Variants in SLC1A1 observed in about 807,000 individuals in gnomAD.
SLC1A1 encodes solute carrier family 1 member 1.
In SLC1A1, 43 loss-of-function variants were observed where a neutral mutation model predicts 53.3. The observed-to-expected ratio is 0.81, with a 90% CI of 0.63 to 1.04. SLC1A1 has a LOEUF of 1.04. Among genes scored for constraint, SLC1A1 ranks in the 50% least tolerant of loss-of-function variants. The pLI, the probability that SLC1A1 is intolerant of heterozygous loss-of-function variation, is 0.00. For missense variants in SLC1A1, 748 were observed against 664.9 expected (o/e 1.12, Z -1.37); for synonymous variants, 307 against 243.2 (o/e 1.26, Z -2.44).
chr9:4,580,251 GAA>G (rs974401348), intron 10 of SLC1A1, among the ~76,000 whole-genome samples: 3 of 150,692 alleles, frequency 2.0e-5, no homozygotes, highest in African/African-American at 7.3e-5. Context: ...AAGAAAGAAA[GAA>G]AGAGAGAAAA....
At chr9:4,528,776 C>T (rs1816360330) in intron 1 of SLC1A1, among the ~76,000 whole-genome samples, 1 of 149,668 alleles carries the variant, frequency 6.7e-6, no homozygotes, top group East Asian at 1.9e-4. Context: ...ATATATGCGG[C>T]CTCATCCACT....
intron 11 of SLC1A1, among the ~76,000 whole-genome samples, chr9:4,584,556 C>T (rs942226295): frequency 6.6e-6 from 1 of 152,130 alleles, no homozygotes; most frequent in Non-Finnish European, 1.5e-5. Flanking sequence ...TAAGCATTGT[C>T]AGCCTTTTCT....
At chr9:4,562,167 G>A (rs758077291) in intron 3 of SLC1A1, among the ~76,000 whole-genome samples, 1 of 150,578 alleles carries the variant, frequency 6.6e-6, no homozygotes, top group Non-Finnish European at 1.5e-5. Context: ...TGCCTCCTGG[G>A]TTCAAATGAT....
In SLC1A1 at chr9:4,586,317, G is replaced by A. The variant is rs947025852; in HGVS notation, c.*759G>A. ...GAAATAAAGAGTTCTCCTTGTACTT[G>A]AATAATAACCACGATTCCAACCCAG... On this transcript the variant is annotated 3_prime_UTR_variant, in exon 12 of 12. Coordinates refer to ENST00000262352, the MANE Select transcript of SLC1A1 (RefSeq NM_004170.6). 2.6e-5 allele frequency: 4 copies of A among 152,094 alleles called. No homozygotes were observed. Among genetic ancestry groups the A allele is most frequent in the Non-Finnish European group, 5.9e-5 (4 of 68,004 alleles). The allele number at this position is 152,094 out of a possible 1,614,324, so 9.4% of individuals were successfully genotyped here.
intron 1 of SLC1A1, 143 bp downstream of exon 1, chr9:4,490,913 T>C (rs1820211613): frequency 1.5e-6 from 1 of 668,672 alleles, no homozygotes. Context: ...TCGGGCCCCC[T>C]GCGGGGGCTT....
chr9:4,525,739 T>G (rs1387387051), intron 1 of SLC1A1, among the ~76,000 whole-genome samples: 2 of 152,108 alleles, frequency 1.3e-5, no homozygotes, highest in African/African-American at 4.8e-5. Context: ...GCAACTGATG[T>G]AAGGACTGGA....
intron 1 of SLC1A1, among the ~76,000 whole-genome samples, chr9:4,527,609 G>C (rs949263244): frequency 2.0e-5 from 3 of 152,070 alleles, no homozygotes; most frequent in Non-Finnish European, 4.4e-5. Context: ...AATCAAACCA[G>C]GTTCTCATTT....
chr9:4,537,600 A>T lies in SLC1A1; in HGVS notation c.92-6967A>T, dbSNP rs1462747360. Reference sequence around the variant, plus strand: ...AAATAAAATAAAATAAAATAAAATAAAAAAAAAAAAAATCACATGCTACAA... The same window carrying T: ...AAATAAAATAAAATAAAATAAAATATAAAAAAAAAAAATCACATGCTACAA... On this transcript the variant is annotated intron_variant, in intron 1 of 11. Transcript: ENST00000262352. Among the ~76,000 whole-genome samples, 5 of 29,796 alleles carry T rather than the reference A, an allele frequency of 1.7e-4. 1 individual carries two copies. The highest frequency in any genetic ancestry group is 6.5e-4 in the Admixed American group (2 of 3,074). 19.5% of individuals were successfully genotyped at this position (29,796 alleles called of 152,430 possible). A position where few individuals can be genotyped will look rare whatever the true frequency, so the allele number is the denominator to read the frequency against.
rs572558072 is a variant in SLC1A1 at position 4,583,669 on chromosome 9, G to C, written c.1328+497G>C. Among the ~76,000 whole-genome samples the C allele has an allele frequency of 6.6e-6, 1 of 152,156 alleles. No homozygotes were observed. Among genetic ancestry groups the C allele is most frequent in the Non-Finnish European group, 1.5e-5 (1 of 68,030 alleles). On this transcript the variant is annotated intron_variant, in intron 11 of 11. Transcript: ENST00000262352. This position sits in a 1 kb window ranked among gnomAD's most constrained non-coding sequence, Gnocchi z 4.6. ...GCAAGTTTCCTTAACCTGAGGCCCA[G>C]TTGCATAATCTGTGAGATGGGAAAA...
chr9:4,564,237 A>G, intron 3 of SLC1A1, 107 bp from the exon 4 acceptor site: 1 of 796,782 alleles, frequency 1.3e-6, no homozygotes, highest in Non-Finnish European at 2.2e-6. Flanking sequence ...GGTCCTCCCC[A>G]TCACACTATT....
intron 1 of SLC1A1, among the ~76,000 whole-genome samples, chr9:4,541,564 G>A (rs183947057): frequency 6.6e-6 from 1 of 152,186 alleles, no homozygotes; most frequent in East Asian, 1.9e-4. Flanking sequence ...AGAGAGAAAG[G>A]GTCTTCCCTG....
At chr9:4,528,784 A>G (rs1223219544) in intron 1 of SLC1A1, among the ~76,000 whole-genome samples, 1 of 147,902 alleles carries the variant, frequency 6.8e-6, no homozygotes, top group African/African-American at 2.6e-5. Context: ...GGCCTCATCC[A>G]CTCTTACCTT....
intron 3 of SLC1A1, among the ~76,000 whole-genome samples, chr9:4,561,920 G>A (rs1268547537): frequency 1.3e-5 from 2 of 151,446 alleles, no homozygotes; most frequent in Non-Finnish European, 2.9e-5. Context: ...TTTAAAATAT[G>A]TATTTTTTTA....
intron 1 of SLC1A1, among the ~76,000 whole-genome samples, chr9:4,523,352 CT>C (rs554001010): frequency 1.4e-3 from 201 of 148,202 alleles, no homozygotes; most frequent in African/African-American, 3.8e-3. Flanking sequence ...AATGCCTTTT[CT>C]TTTTTTTTTT....
At chr9:4,551,118 C>G (rs1260067478) in intron 2 of SLC1A1, among the ~76,000 whole-genome samples, 2 of 152,116 alleles carry the variant, frequency 1.3e-5, no homozygotes, top group Non-Finnish European at 2.9e-5. Context: ...AGAGGGTGAG[C>G]AGAATAAAGT....
chr9:4,515,163 TG>T (rs1821122860), intron 1 of SLC1A1, among the ~76,000 whole-genome samples: 5 of 151,896 alleles, frequency 3.3e-5, no homozygotes, highest in African/African-American at 1.2e-4. Flanking sequence ...GGCTTCAAAG[TG>T]AGTGTCCCAA....
At chr9:4,552,860 CT>C (rs1445284433) in intron 2 of SLC1A1, among the ~76,000 whole-genome samples, 12 of 151,670 alleles carry the variant, frequency 7.9e-5, no homozygotes, top group Admixed American at 7.9e-4. Flanking sequence ...TCAGAAGTTC[CT>C]ATAAAGTACC....
Position 4,585,932 on chromosome 9 carries a change from T to TAC in SLC1A1, c.*374_*375insAC. The TAC allele has an allele frequency of 5.2e-6, 1 of 193,570 alleles. No individual in the cohort carries two copies. The highest frequency in any genetic ancestry group is 1.1e-5 in the Non-Finnish European group (1 of 92,970). 12.0% of individuals were successfully genotyped at this position (193,570 alleles called of 1,614,324 possible). On this transcript the variant is annotated 3_prime_UTR_variant, in exon 12 of 12. Transcript: ENST00000262352. The stretch of plus-strand genomic sequence containing the variant: ...GTTTTTAAAAAAAATATTCTGTCAT[T>TAC]GGTTACAAATTTTTACTCAGGCTTT...
chr9:4,583,173 G>T lies in SLC1A1; in HGVS notation c.1328+1G>T. On this transcript the variant is annotated splice_donor_variant, in intron 11 of 11. Coordinates refer to ENST00000262352, the MANE Select transcript of SLC1A1 (RefSeq NM_004170.6). LOFTEE classifies it high-confidence loss of function. This position sits in a 1 kb window ranked among gnomAD's most constrained non-coding sequence, Gnocchi z 4.6. Reference sequence around the variant, plus strand: ...TGATCATTGCTGTCGACTGGCTCCTGTGAGTTGGAATAAATGCACTGCCTT... The same window carrying T: ...TGATCATTGCTGTCGACTGGCTCCTTTGAGTTGGAATAAATGCACTGCCTT... 1 of 1,614,226 alleles carries T rather than the reference G, an allele frequency of 6.2e-7. No homozygotes were observed. The highest frequency in any genetic ancestry group is 1.1e-5 in the South Asian group (1 of 91,084).
Sources: gnomAD v4.1 joint callset for allele counts (sites outside exome capture counted in the v4.1 genomes callset) on GRCh38, gnomAD v4.1.1 for gene constraint, Gnocchi (gnomAD v3.1) non-coding constraint, MANE v1.5 for transcripts, NCBI Gene and HGNC (gene_info 2026-07-23, HGNC 2026-07-21) for gene names.